Variants in ST18 observed in about 807,000 individuals in gnomAD.
ST18 encodes suppression of tumorigenicity 18 protein.
ST18 carries 50 observed loss-of-function variants against 110.0 expected under a neutral mutation model. The observed-to-expected ratio is 0.45, with a 90% confidence interval of 0.36 to 0.58. ST18 has a LOEUF of 0.58. Ranked by LOEUF, ST18 falls within the 20% of genes least tolerant of loss-of-function variation. ST18 has a pLI of 0.00. For synonymous variants in ST18, 461 were observed against 452.4 expected (o/e 1.02, Z -0.24); for missense variants, 1,306 against 1,280.1 (o/e 1.02, Z -0.31).
rs56988793 is a variant in ST18, at chr8:52,140,547, TGATAGATAGATAGATAGATA to T, written c.2168+2363_2168+2382del. Among the ~76,000 whole-genome samples the T allele has an allele frequency of 1.1e-3, 166 of 147,468 alleles. 1 individual carries two copies. Among genetic ancestry groups the T allele is most frequent in the African/African-American group, 3.9e-3 (154 of 39,784 alleles). On this transcript the variant is annotated intron_variant, in intron 17 of 25. Coordinates refer to ENST00000689386, the MANE Select transcript of ST18 (RefSeq NM_001352837.2). The stretch of plus-strand genomic sequence containing the variant: ...TCAAAATAAATAGATAGATGATAGA[TGATAGATAGATAGATAGATA>T]GATAGATAGATAGATAGATAGATAG...
chr8:52,353,423 A>G (rs759401564), intron 2 of ST18, among the ~76,000 whole-genome samples: 9 of 152,248 alleles, frequency 5.9e-5, no homozygotes, highest in Non-Finnish European at 1.2e-4. Context: ...GGGCACAACA[A>G]ATAATGGTAC....
intron 2 of ST18, among the ~76,000 whole-genome samples, chr8:52,314,396 A>G (rs545908339): frequency 2.0e-5 from 3 of 152,226 alleles, no homozygotes; most frequent in African/African-American, 7.2e-5. Context: ...ATCTGCCCCT[A>G]CTATAGGGCA....
intron 19 of ST18, among the ~76,000 whole-genome samples, chr8:52,135,648 AT>A (rs2051866494): frequency 6.6e-6 from 1 of 151,448 alleles, no homozygotes. Flanking sequence ...TTCACAGTTT[AT>A]TTTACTACTT....
intron 13 of ST18, among the ~76,000 whole-genome samples, chr8:52,162,311 T>C (rs2061669211): frequency 6.6e-6 from 1 of 152,206 alleles, no homozygotes; most frequent in African/African-American, 2.4e-5. Context: ...AGATTGGCAA[T>C]GAATAGTCAC....
intron 2 of ST18, chr8:52,403,187 G>A (rs1282331295): frequency 1.3e-5 from 2 of 152,234 alleles, no homozygotes; most frequent in African/African-American, 4.8e-5. Context: ...CTCAGTTGGG[G>A]AATGTTGCAC....
At chr8:52,336,674 G>A (rs1023743656) in intron 2 of ST18, among the ~76,000 whole-genome samples, 9 of 152,192 alleles carry the variant, frequency 5.9e-5, no homozygotes, top group East Asian at 1.9e-4. Flanking sequence ...GATGGGAAGC[G>A]GGTAGACCTA....
At chr8:52,213,789 G>A (rs1396632585) in intron 7 of ST18, among the ~76,000 whole-genome samples, 1 of 152,128 alleles carries the variant, frequency 6.6e-6, no homozygotes, top group Non-Finnish European at 1.5e-5. Context: ...ACTAAGTTTA[G>A]GTTGGGAGCC....
At chr8:52,265,974 A>G (rs1475193259) in intron 2 of ST18, among the ~76,000 whole-genome samples, 1 of 152,200 alleles carries the variant, frequency 6.6e-6, no homozygotes. Context: ...GAGGAGGCTG[A>G]GCAGAAGTCA....
rs1315828139 is a variant in ST18, at chr8:52,126,037, G to A, written c.2755+15C>T. On this transcript the variant is annotated intron_variant, in intron 23 of 25. Coordinates refer to ENST00000689386, the MANE Select transcript of ST18 (RefSeq NM_001352837.2). ...ACCCTGCAGGAGGTGGTGACAGCCA[G>A]CCCTGTGCTCTTACCCCCAGTTGCT... 1.9e-6 allele frequency: 3 copies of A among 1,612,790 alleles called. No homozygotes were observed. The highest frequency in any genetic ancestry group is 3.3e-5 in the Admixed American group (2 of 59,974).
chr8:52,377,140 T>A (rs569202969), intron 2 of ST18, among the ~76,000 whole-genome samples: 1 of 152,222 alleles, frequency 6.6e-6, no homozygotes, highest in South Asian at 2.1e-4. Flanking sequence ...AAATTGGTGA[T>A]GTAGACCACA....
At chr8:52,222,927 T>G (rs2087508958) in intron 3 of ST18, among the ~76,000 whole-genome samples, 1 of 152,184 alleles carries the variant, frequency 6.6e-6, no homozygotes, top group Non-Finnish European at 1.5e-5. Context: ...AGCCCCCACC[T>G]ACTTAGATGA....
At chr8:52,163,673 TATACTTAGTAACCCA>T (rs2062033359) in intron 13 of ST18, among the ~76,000 whole-genome samples, 9 of 152,206 alleles carry the variant, frequency 5.9e-5, no homozygotes, top group Admixed American at 5.9e-4. Context: ...GACTTGTGGG[TATACTTAGTAACCCA>T]CAATTCTGAT....
At chr8:52,336,141 T>TATC (rs1278946584) in intron 2 of ST18, among the ~76,000 whole-genome samples, 2 of 152,038 alleles carry the variant, frequency 1.3e-5, no homozygotes, top group Non-Finnish European at 2.9e-5. Context: ...CTTCTTGGAT[T>TATC]ATTATTATTA....
At chr8:52,210,090 T>C (rs1242756481) in intron 8 of ST18, 1 of 456,144 alleles carries the variant, frequency 2.2e-6, no homozygotes, top group East Asian at 7.0e-5. Flanking sequence ...ACCAGGTAAG[T>C]GGCCTCATGT....
chr8:52,144,467 A>C (rs2056487415), intron 16 of ST18, among the ~76,000 whole-genome samples: 1 of 152,134 alleles, frequency 6.6e-6, no homozygotes, highest in Admixed American at 6.5e-5. Flanking sequence ...CTAAATGCCG[A>C]TCTCAGTCAT....
intron 2 of ST18, among the ~76,000 whole-genome samples, chr8:52,307,734 C>T (rs1275809727): frequency 1.3e-5 from 2 of 152,164 alleles, no homozygotes; most frequent in East Asian, 1.9e-4. Flanking sequence ...GTTTTTAATG[C>T]TGTGTACATG....
intron 2 of ST18, among the ~76,000 whole-genome samples, chr8:52,308,476 G>A (rs1278202369): frequency 1.3e-5 from 2 of 152,168 alleles, no homozygotes; most frequent in Non-Finnish European, 2.9e-5. Context: ...CCAGAAATAA[G>A]CAGAGCCACA....
intron 2 of ST18, among the ~76,000 whole-genome samples, chr8:52,230,890 T>C (rs2091143723): frequency 6.6e-6 from 1 of 152,076 alleles, no homozygotes; most frequent in Non-Finnish European, 1.5e-5. Context: ...AATCACCCTA[T>C]AGGGTGGAAG....
chr8:52,126,031 C>T (rs1190434063), intron 23 of ST18, 21 bp downstream of exon 23: 1 of 1,610,760 alleles, frequency 6.2e-7, no homozygotes, highest in Admixed American at 1.7e-5. Flanking sequence ...GAGGTGGTGA[C>T]AGCCAGCCCT....
Sources: allele counts gnomAD v4.1 joint callset (sites outside exome capture counted in the v4.1 genomes callset), GRCh38; gene constraint gnomAD v4.1.1; transcripts MANE v1.5; gene names NCBI Gene and HGNC (gene_info 2026-07-23, HGNC 2026-07-21).